SLC27A1: variants seen among roughly 807,000 people sequenced by gnomAD.
SLC27A1 encodes solute carrier family 27 member 1, also known as long-chain fatty acid transport protein 1.
In SLC27A1, 61 loss-of-function variants were observed where a neutral mutation model predicts 62.2. The ratio of observed to expected loss-of-function variants is 0.98; its 90% CI spans 0.80 to 1.21. The LOEUF is 1.21. Among genes scored for constraint, SLC27A1 ranks in the 50% most tolerant of loss-of-function variants. The pLI, the probability that SLC27A1 is intolerant of heterozygous loss-of-function variation, is 0.00. For synonymous variants in SLC27A1, 435 were observed against 408.6 expected (o/e 1.06, Z -0.78); for missense variants, 903 against 932.1 (o/e 0.97, Z 0.41).
chr19:17,480,619 C>T (rs1421667191), intron 1 of SLC27A1, among the ~76,000 whole-genome samples: 1 of 134,910 alleles, frequency 7.4e-6, no homozygotes, highest in East Asian at 2.1e-4. Flanking sequence ...CTCAAGTGAT[C>T]CTCCCACCTT....
rs370828218 is a variant in SLC27A1 at position 17,484,529 on chromosome 19, G to A, written c.168-2034G>A. On this transcript the variant is annotated intron_variant, in intron 1 of 11. Transcript: ENST00000252595. ...ATTGCTTGAGCCTGGGAGGTCTGCA[G>A]TAAGCCATGATCATGGACTCTAGTC... Among the ~76,000 whole-genome samples the A allele has an allele frequency of 1.8e-4, 27 of 152,150 alleles. No homozygotes were observed. In the East Asian group the frequency reaches 4.1e-3, roughly 23 times the overall value.
At position 17,492,195 on chromosome 19, in the gene SLC27A1, C is replaced by T. The variant is rs543532387; in HGVS notation, c.996+3078C>T. On this transcript the variant is annotated intron_variant, in intron 6 of 11. Coordinates refer to ENST00000252595, the MANE Select transcript of SLC27A1 (RefSeq NM_198580.3). Reference sequence around the variant, plus strand: ...TGTCCCTGGGGGACAGAATGGTCCCCGCTTGAGAATCGCTGGTCTATATAT... The same window carrying T: ...TGTCCCTGGGGGACAGAATGGTCCCTGCTTGAGAATCGCTGGTCTATATAT... 1.6e-4 allele frequency among the ~76,000 whole-genome samples: 25 copies of T among 152,270 alleles called. No homozygotes were observed. In the South Asian group the frequency reaches 4.6e-3, roughly 28 times the overall value.
intron 1 of SLC27A1, among the ~76,000 whole-genome samples, chr19:17,480,367 ATTTC>A (rs1599644934): frequency 6.7e-6 from 1 of 148,786 alleles, no homozygotes; most frequent in Non-Finnish European, 1.5e-5. Context: ...TTCTATTGTC[ATTTC>A]TTTCTCTTTT....
rs1599653067 is a variant in SLC27A1 at position 17,487,067 on chromosome 19, A to G, written c.563-107A>G. ...GAAGGCGGCCGCCCTGGACGTGGGC[A>G]TGAGGTGCACGGTCTGGGTATGCCC... On this transcript the variant is annotated intron_variant, in intron 2 of 11. Transcript: ENST00000252595. 1.9e-6 allele frequency: 3 copies of G among 1,573,518 alleles called. No individual in the cohort carries two copies. The East Asian group carries it at 6.8e-5, about 35-fold the overall frequency.
chr19:17,472,998 A>G (rs888297149), intron 1 of SLC27A1, among the ~76,000 whole-genome samples: 1 of 151,832 alleles, frequency 6.6e-6, no homozygotes, highest in Non-Finnish European at 1.5e-5. Flanking sequence ...AGGTCTCGCT[A>G]TATTGCCCAG....
At chr19:17,480,774 T>A (rs1011465606) in intron 1 of SLC27A1, among the ~76,000 whole-genome samples, 1 of 152,064 alleles carries the variant, frequency 6.6e-6, no homozygotes, top group Non-Finnish European at 1.5e-5. Flanking sequence ...CTTGTAATCA[T>A]CCCATTGTCC....
intron 1 of SLC27A1, among the ~76,000 whole-genome samples, chr19:17,483,066 G>C (rs978265302): frequency 2.0e-5 from 3 of 152,040 alleles, no homozygotes; most frequent in African/African-American, 4.8e-5. Context: ...ACGAGTGAAG[G>C]AGGGAATGAA....
At chr19:17,475,653 G>A (rs1205847256) in intron 1 of SLC27A1, among the ~76,000 whole-genome samples, 2 of 152,208 alleles carry the variant, frequency 1.3e-5, no homozygotes, top group Non-Finnish European at 2.9e-5. Context: ...CAGAGCATGT[G>A]CTCTTAGCCA....
intron 10 of SLC27A1, 126 bp from the exon 11 acceptor site, chr19:17,501,147 A>C: frequency 7.2e-7 from 1 of 1,388,264 alleles, no homozygotes; most frequent in Non-Finnish European, 9.7e-7. Context: ...CTGCTTCCAT[A>C]AATGTCATCC....
At position 17,488,863 on chromosome 19, in the gene SLC27A1, A is replaced by G. The variant is rs771466882; in HGVS notation, c.810A>G (p.Ala270=). 1.2e-5 allele frequency: 20 copies of G among 1,613,598 alleles called. No homozygotes were observed. Among genetic ancestry groups the G allele is most frequent in the Non-Finnish European group, 1.5e-5 (18 of 1,179,940 alleles). Residue 270 remains alanine (A), a synonymous_variant, in exon 5 of 12, where the codon GCA becomes GCG. Coordinates refer to ENST00000252595, the MANE Select transcript of SLC27A1 (RefSeq NM_198580.3). The part of the protein sequence containing the change: ...IVVHSRYYRM[A]AFGHHAYRMQ... ...CCCCCTGCAGGTACTACCGCATGGCAGCCTTCGGCCACCACGCCTACCGCA... is the reference window on the plus strand; with the variant it reads ...CCCCCTGCAGGTACTACCGCATGGCGGCCTTCGGCCACCACGCCTACCGCA...
rs1467812163 is a variant in SLC27A1 at position 17,497,437 on chromosome 19, C to T, written c.1179C>T (p.Asn393=). The T allele has an allele frequency of 5.0e-6, 8 of 1,608,544 alleles. No homozygotes were observed. The highest frequency in any genetic ancestry group is 6.8e-6 in the Non-Finnish European group (8 of 1,178,268). ...IGEFYGATEC[N]CSIANMDGKV... ...AGTTCTACGGCGCCACCGAGTGCAA[C>T]TGCAGCATTGCCAACATGGACGGCA... Residue 393 remains asparagine, a synonymous_variant, in exon 7 of 12, where the codon AAC becomes AAT. Coordinates refer to ENST00000252595, the MANE Select transcript of SLC27A1 (RefSeq NM_198580.3).
intron 4 of SLC27A1, among the ~76,000 whole-genome samples, chr19:17,488,033 C>A (rs1401678420): frequency 6.6e-6 from 1 of 152,160 alleles, no homozygotes; most frequent in Admixed American, 6.5e-5. Flanking sequence ...CTGTCCCAGA[C>A]CTCCCTGCAT....
At chr19:17,468,953 C>T (rs1199032663), upstream of SLC27A1, 2 of 152,762 alleles carry the variant, frequency 1.3e-5, no homozygotes, top group Non-Finnish European at 1.5e-5. Flanking sequence ...GCCTCCTAGT[C>T]CCTGCCTGCC....
intron 1 of SLC27A1, among the ~76,000 whole-genome samples, chr19:17,476,525 G>C (rs35879499): frequency 7.5e-6 from 1 of 132,788 alleles, no homozygotes; most frequent in Non-Finnish European, 1.6e-5. Context: ...GTGACAGAGT[G>C]AGACTCTGTC....
At chr19:17,501,248 T>C in intron 10 of SLC27A1, 25 bp from the exon 11 acceptor site, 1 of 1,609,404 alleles carries the variant, frequency 6.2e-7, no homozygotes, top group Non-Finnish European at 8.5e-7. Context: ...AGGCGGGGTG[T>C]CCTCAGCTGA....
At chr19:17,501,443 CT>C in intron 11 of SLC27A1, 24 bp downstream of exon 11, 1 of 1,601,966 alleles carries the variant, frequency 6.2e-7, no homozygotes, top group Non-Finnish European at 8.5e-7. Context: ...CCACTCCAAT[CT>C]CTCTCTTCAT....
At chr19:17,472,394 C>CAA (rs1241729442) in intron 1 of SLC27A1, among the ~76,000 whole-genome samples, 10 of 65,776 alleles carry the variant, frequency 1.5e-4, no homozygotes, top group East Asian at 4.4e-4. Flanking sequence ...GACTCCGTCT[C>CAA]AAAAAAAAAA....
intron 1 of SLC27A1, among the ~76,000 whole-genome samples, chr19:17,482,965 T>A (rs1448981573): frequency 1.3e-5 from 2 of 151,650 alleles, no homozygotes; most frequent in African/African-American, 2.4e-5. Context: ...ACAATGCCAA[T>A]GAATGATGGA....
rs1008261660 is a variant in SLC27A1 at position 17,488,706 on chromosome 19, G to C, written c.795-142G>C. 5 of 681,046 alleles carry C rather than the reference G, an allele frequency of 7.3e-6. No individual in the cohort carries two copies. In the African/African-American group the frequency reaches 8.8e-5, roughly 12 times the overall value. 42.2% of individuals were successfully genotyped at this position (681,046 alleles called of 1,614,324 possible). A position where few individuals can be genotyped will look rare whatever the true frequency, so the allele number is the denominator to read the frequency against. ...AACACCACCAACAATTGTTGGTTGC[G>C]TGTTTCCTTCCTGCCAGCCTGTGAA... On this transcript the variant is annotated intron_variant, in intron 4 of 11. Coordinates refer to ENST00000252595, the MANE Select transcript of SLC27A1 (RefSeq NM_198580.3).
Sources: gnomAD v4.1 joint callset for allele counts (sites outside exome capture counted in the v4.1 genomes callset) on GRCh38, gnomAD v4.1.1 for gene constraint, MANE v1.5 for transcripts, NCBI Gene and HGNC (gene_info 2026-07-23, HGNC 2026-07-21) for gene names.